The following MIPOL1 variants were observed in gnomAD, a reference collection of about 807,000 sequenced individuals.
The protein encoded by MIPOL1 is mirror-image polydactyly gene 1 protein.
MIPOL1 carries 57 observed loss-of-function variants against 60.9 expected under a neutral mutation model. That is an observed-to-expected ratio of 0.94 (90% confidence interval 0.76 to 1.17). The LOEUF is 1.17. MIPOL1 is among the 50% of genes most tolerant of loss of function. The pLI, the probability that MIPOL1 is intolerant of heterozygous loss-of-function variation, is 0.00. For missense variants in MIPOL1, 551 were observed against 511.6 expected (o/e 1.08, Z -0.74); for synonymous variants, 179 against 168.8 (o/e 1.06, Z -0.47).
chr14:37,361,681 A>G (rs776639349), intron 9 of MIPOL1, among the ~76,000 whole-genome samples: 3 of 131,928 alleles, frequency 2.3e-5, no homozygotes, highest in Admixed American at 9.0e-5. Flanking sequence ...TTTCGGCCCA[A>G]TGCAAGCTCC....
chr14:37,326,498 C>G (rs1431174256), intron 9 of MIPOL1, among the ~76,000 whole-genome samples: 2 of 152,112 alleles, frequency 1.3e-5, no homozygotes, highest in Non-Finnish European at 2.9e-5. Flanking sequence ...AGAGCACAAT[C>G]CTTTCTGTAA....
At chr14:37,368,496 C>A (rs2092546913) in intron 9 of MIPOL1, among the ~76,000 whole-genome samples, 2 of 151,988 alleles carry the variant, frequency 1.3e-5, no homozygotes, top group Non-Finnish European at 2.9e-5. Flanking sequence ...ATTTTTTATT[C>A]ATCTATTATG....
chr14:37,343,534 G>A (rs2090729792), intron 9 of MIPOL1, among the ~76,000 whole-genome samples: 1 of 152,132 alleles, frequency 6.6e-6, no homozygotes, highest in African/African-American at 2.4e-5. Flanking sequence ...GGAAAGAGTT[G>A]TATCACATCC....
chr14:37,405,926 T>C (rs2093579366), intron 10 of MIPOL1, among the ~76,000 whole-genome samples: 1 of 151,538 alleles, frequency 6.6e-6, no homozygotes, highest in Non-Finnish European at 1.5e-5. Flanking sequence ...TTTTCATGGC[T>C]GTTTTTTCAA....
chr14:37,446,565 C>T (rs888272959), intron 11 of MIPOL1, among the ~76,000 whole-genome samples: 3 of 142,168 alleles, frequency 2.1e-5, no homozygotes, highest in Non-Finnish European at 4.8e-5. Flanking sequence ...CCAGCCATCC[C>T]ATTACTGGGT....
At chr14:37,494,847 G>A (rs545845058) in intron 11 of MIPOL1, among the ~76,000 whole-genome samples, 22 of 152,226 alleles carry the variant, frequency 1.4e-4, no homozygotes, top group African/African-American at 5.1e-4. Flanking sequence ...AAAAGATCAT[G>A]TCCATTGCTT....
chr14:37,265,697 A>G (rs1195855092), intron 3 of MIPOL1, among the ~76,000 whole-genome samples: 1 of 152,154 alleles, frequency 6.6e-6, no homozygotes, highest in Non-Finnish European at 1.5e-5. Flanking sequence ...AGCCATGTGT[A>G]TTCTAAAGTA....
At chr14:37,546,056 T>A (rs1365954619) in intron 12 of MIPOL1, 1 of 162,492 alleles carries the variant, frequency 6.2e-6, no homozygotes, top group Non-Finnish European at 1.3e-5. Flanking sequence ...AGAAAACCAA[T>A]TAATGGTCTG....
intron 1 of MIPOL1, among the ~76,000 whole-genome samples, chr14:37,236,219 G>A (rs945961978): frequency 6.6e-6 from 1 of 151,878 alleles, no homozygotes; most frequent in African/African-American, 2.4e-5. Context: ...AGGATTACGC[G>A]CCTGGCCTCA....
At chr14:37,214,838 C>A (rs2139377237) in intron 1 of MIPOL1, among the ~76,000 whole-genome samples, 1 of 152,114 alleles carries the variant, frequency 6.6e-6, no homozygotes, top group Non-Finnish European at 1.5e-5. Context: ...AGCATCAGTG[C>A]CAAGGAAAAA....
At chr14:37,438,968 C>G (rs1053499470) in intron 11 of MIPOL1, among the ~76,000 whole-genome samples, 4 of 152,198 alleles carry the variant, frequency 2.6e-5, no homozygotes, top group Non-Finnish European at 5.9e-5. Context: ...TAACAACAAT[C>G]ATATTTAGTA....
At chr14:37,290,172 T>G (rs747153581) in intron 7 of MIPOL1, among the ~76,000 whole-genome samples, 3 of 152,214 alleles carry the variant, frequency 2.0e-5, no homozygotes, top group Non-Finnish European at 4.4e-5. Context: ...TGACATTGTT[T>G]GCCTGAAAAG....
chr14:37,317,254 GA>G (rs1476417393), intron 9 of MIPOL1, among the ~76,000 whole-genome samples: 2 of 152,184 alleles, frequency 1.3e-5, no homozygotes, highest in Non-Finnish European at 2.9e-5. Context: ...GGATGGTGCT[GA>G]AGATTTAAAA....
chr14:37,541,144 C>G (rs74045658), intron 12 of MIPOL1, among the ~76,000 whole-genome samples: 1 of 152,330 alleles, frequency 6.6e-6, no homozygotes, highest in African/African-American at 2.4e-5. Flanking sequence ...CTTCTTGTCA[C>G]TCAGAACTTT....
intron 9 of MIPOL1, among the ~76,000 whole-genome samples, chr14:37,327,925 C>T (rs946446595): frequency 6.6e-6 from 1 of 152,110 alleles, no homozygotes; most frequent in African/African-American, 2.4e-5. Context: ...AGGTAAATTT[C>T]ATTAGAAAAG....
At chr14:37,460,904 A>G (rs1300157199) in intron 11 of MIPOL1, among the ~76,000 whole-genome samples, 6 of 152,230 alleles carry the variant, frequency 3.9e-5, no homozygotes, top group Admixed American at 3.9e-4. Context: ...AAAGAAATCA[A>G]TATCATTAAA....
intron 9 of MIPOL1, among the ~76,000 whole-genome samples, chr14:37,360,208 T>C (rs1262769685): frequency 1.3e-5 from 2 of 152,190 alleles, no homozygotes; most frequent in African/African-American, 4.8e-5. Flanking sequence ...GATGTGCTGC[T>C]GGATTCGGTT....
intron 10 of MIPOL1, among the ~76,000 whole-genome samples, chr14:37,416,938 A>C (rs2093781247): frequency 6.6e-6 from 1 of 152,146 alleles, no homozygotes; most frequent in African/African-American, 2.4e-5. Context: ...TTATTTAATA[A>C]TCACTTATTA....
intron 9 of MIPOL1, among the ~76,000 whole-genome samples, chr14:37,355,037 G>A (rs527345316): frequency 1.2e-4 from 16 of 137,502 alleles, no homozygotes; most frequent in East Asian, 2.2e-4. Context: ...ATTTTGCAGC[G>A]GCTGGTACCG....
Sources: allele counts gnomAD v4.1 joint callset (sites outside exome capture counted in the v4.1 genomes callset), GRCh38; gene constraint gnomAD v4.1.1; transcripts MANE v1.5; gene names NCBI Gene and HGNC (gene_info 2026-07-23, HGNC 2026-07-21).